TANGO6: variants seen among roughly 807,000 people sequenced by gnomAD.
TANGO6 encodes the protein transport and golgi organization 6 homolog, also known as transport and Golgi organization protein 6 homolog.
In TANGO6, 90 loss-of-function variants were observed where a neutral mutation model predicts 114.2. That is an observed-to-expected ratio of 0.79 (90% CI 0.66 to 0.94). The LOEUF (loss-of-function observed/expected upper bound fraction) is 0.94. Among genes scored for constraint, TANGO6 ranks in the 40% least tolerant of loss-of-function variants. TANGO6 has a pLI of 0.00. For missense variants in TANGO6, 1,274 were observed against 1,315.3 expected (o/e 0.97, Z 0.49); for synonymous variants, 477 against 509.8 (o/e 0.94, Z 0.87).
intron 14 of TANGO6, among the ~76,000 whole-genome samples, chr16:68,968,746 C>T (rs1963672575): frequency 6.7e-6 from 1 of 148,352 alleles, no homozygotes; most frequent in African/African-American, 2.5e-5. Context: ...TCTCGGCTCA[C>T]TGCAAGCTCC....
At chr16:68,909,186 T>G in intron 10 of TANGO6, 25 bp from the exon 11 acceptor site, 1 of 1,462,262 alleles carries the variant, frequency 6.8e-7, no homozygotes, top group Non-Finnish European at 9.1e-7. Context: ...TTATCTTCAC[T>G]TTTTCTTTCC....
intron 16 of TANGO6, among the ~76,000 whole-genome samples, chr16:69,037,384 G>A (rs1959706165): frequency 6.6e-6 from 1 of 152,144 alleles, no homozygotes; most frequent in South Asian, 2.1e-4. Flanking sequence ...TGGAAGCAGG[G>A]GCCCAAAGCT....
At chr16:68,975,899 G>A (rs1963761158) in intron 15 of TANGO6, among the ~76,000 whole-genome samples, 1 of 151,940 alleles carries the variant, frequency 6.6e-6, no homozygotes, top group African/African-American at 2.4e-5. Context: ...GTGTTCTAAT[G>A]TGTGAAATGA....
intron 15 of TANGO6, among the ~76,000 whole-genome samples, chr16:69,012,493 T>C (rs192445180): frequency 3.9e-4 from 54 of 139,162 alleles, no homozygotes; most frequent in African/African-American, 1.4e-3. Context: ...GAGGTGGAGG[T>C]TGCAGGAAGC....
chr16:68,922,880 C>A (rs939024181), intron 12 of TANGO6, among the ~76,000 whole-genome samples: 3 of 147,716 alleles, frequency 2.0e-5, no homozygotes, highest in Admixed American at 6.8e-5. Context: ...AAAGGTGCAT[C>A]TCTTCTCTAA....
chr16:68,931,427 A>G (rs2152197866), intron 14 of TANGO6, among the ~76,000 whole-genome samples: 1 of 152,366 alleles, frequency 6.6e-6, no homozygotes, highest in East Asian at 1.9e-4. Context: ...ATGAAAACAT[A>G]TGTCTGCACA....
intron 15 of TANGO6, among the ~76,000 whole-genome samples, chr16:69,009,691 T>C (rs1289923607): frequency 6.6e-6 from 1 of 152,234 alleles, no homozygotes; most frequent in Non-Finnish European, 1.5e-5. Flanking sequence ...TGGGATGTCT[T>C]TCCATTTATT....
intron 2 of TANGO6, 87 bp from the exon 3 acceptor site, chr16:68,862,858 A>G (rs1962118787): frequency 2.3e-6 from 2 of 870,122 alleles, no homozygotes; most frequent in East Asian, 2.6e-5. Context: ...TCCTCTCACA[A>G]GTATCTCTGT....
intron 1 of TANGO6, among the ~76,000 whole-genome samples, chr16:68,856,907 AG>A (rs1380458334): frequency 6.6e-6 from 1 of 152,204 alleles, no homozygotes; most frequent in Non-Finnish European, 1.5e-5. Context: ...CAGGAGATCG[AG>A]ACCGTCCTGG....
chr16:68,860,691 T>A (rs1962080247), intron 2 of TANGO6, among the ~76,000 whole-genome samples, 167 bp downstream of exon 2: 1 of 152,184 alleles, frequency 6.6e-6, no homozygotes. Context: ...GCAAGTTTCA[T>A]TTATTGGGTT....
chr16:68,847,086 C>CT (rs1387093108), intron 1 of TANGO6, among the ~76,000 whole-genome samples: 1 of 151,870 alleles, frequency 6.6e-6, no homozygotes, highest in Non-Finnish European at 1.5e-5. Flanking sequence ...GATGGGGTTT[C>CT]TCTACGTTGG....
Position 69,022,834 on chromosome 16 carries a change from T to C in TANGO6, c.2849T>C (p.Met950Thr). ...TTCTTCCTTTTTCCTATAGGAGACA[T>C]GGTCTCAAAGTACCGAGAACCTTTG... ...LMRIVRALGD[M>T]VSKYREPLIH... The change falls in exon 16 of 18, where the codon ATG becomes ACG. Residue 950 changes from methionine to threonine, a missense_variant. By Grantham distance (81) the Met-to-Thr change is moderately conservative. Around this residue, in one of 5 missense-constraint regions of TANGO6, gnomAD observed 238 missense variants for 252.9 expected, o/e 0.94. Transcript: ENST00000261778. 6.3e-7 allele frequency: 1 copy of C among 1,577,780 alleles called. No individual in the cohort carries two copies.
intron 14 of TANGO6, among the ~76,000 whole-genome samples, chr16:68,953,050 T>TTTTATTATTATTATTA (rs1555525236): frequency 7.9e-5 from 11 of 139,214 alleles, no homozygotes; most frequent in Non-Finnish European, 7.7e-5. Context: ...ACAGGTATTT[T>TTTTATTATTATTATTA]TTATTATTAT....
At chr16:68,879,604 T>C (rs1368406828) in intron 6 of TANGO6, among the ~76,000 whole-genome samples, 1 of 151,388 alleles carries the variant, frequency 6.6e-6, no homozygotes, top group Non-Finnish European at 1.5e-5. Context: ...AACTATTAAC[T>C]CTGCCATTTT....
In TANGO6 at chr16:68,902,070, T is replaced by A. The variant is rs902716429; in HGVS notation, c.1491-258T>A. On this transcript the variant is annotated intron_variant, in intron 8 of 17. Coordinates refer to ENST00000261778, the MANE Select transcript of TANGO6 (RefSeq NM_024562.2). The stretch of plus-strand genomic sequence containing the variant: ...TTACCAAAAAAAAAAAAAAAAAAAA[T>A]CACGTGGGGCTCATGTGGCAAATCA... Among the ~76,000 whole-genome samples, 234 of 136,312 alleles carry A rather than the reference T, an allele frequency of 1.7e-3. 1 individual carries two copies. Among genetic ancestry groups the A allele is most frequent in the Middle Eastern group, 3.8e-3 (1 of 264 alleles). The allele number at this position is 136,312 out of a possible 152,430, so 89.4% of individuals were successfully genotyped here.
chr16:69,080,632 G>A (rs1399868636), intron 17 of TANGO6, among the ~76,000 whole-genome samples: 2 of 152,198 alleles, frequency 1.3e-5, no homozygotes, highest in Admixed American at 6.6e-5. Flanking sequence ...TCATATGAAT[G>A]ATGTCCTCTG....
chr16:68,973,943 C>A, intron 14 of TANGO6, 85 bp from the exon 15 acceptor site: 1 of 1,446,200 alleles, frequency 6.9e-7, no homozygotes, highest in Non-Finnish European at 9.5e-7. Flanking sequence ...AGCATCTCTG[C>A]GTTCATCCCA....
intron 17 of TANGO6, among the ~76,000 whole-genome samples, chr16:69,074,564 A>T (rs935328934): frequency 5.3e-5 from 8 of 152,158 alleles, no homozygotes; most frequent in Non-Finnish European, 1.5e-5. Context: ...ACTATACTTT[A>T]CAAGTATCAA....
chr16:68,942,900 TA>T (rs1269727185), intron 14 of TANGO6, among the ~76,000 whole-genome samples: 1 of 149,326 alleles, frequency 6.7e-6, no homozygotes, highest in African/African-American at 2.5e-5. Flanking sequence ...ATTTAATTTT[TA>T]ATTTTTTTTT....
Sources: allele counts gnomAD v4.1 joint callset (sites outside exome capture counted in the v4.1 genomes callset), GRCh38; gene constraint gnomAD v4.1.1; regional missense constraint gnomAD v4.1.1; transcripts MANE v1.5; gene names NCBI Gene and HGNC (gene_info 2026-07-23, HGNC 2026-07-21).